ASTN2: variants seen among roughly 807,000 people sequenced by gnomAD.
ASTN2 encodes the protein astrotactin-2.
Under a neutral mutation model 139.8 loss-of-function variants are expected in ASTN2, and 54 were observed. The observed-to-expected ratio is 0.39, with a 90% confidence interval of 0.31 to 0.48. The LOEUF is 0.48. Ranked by LOEUF, ASTN2 falls within the 20% of genes least tolerant of loss-of-function variation. The pLI, the probability that ASTN2 is intolerant of heterozygous loss-of-function variation, is 0.95. For synonymous variants in ASTN2, 756 were observed against 719.5 expected, an observed-to-expected ratio of 1.05 and a Z score of -0.81; for missense variants, 1,565 against 1,725.1, an observed-to-expected ratio of 0.91 and a Z score of 1.64.
intron 5 of ASTN2, among the ~76,000 whole-genome samples, chr9:117,075,404 T>C (rs1309810216): frequency 6.7e-6 from 1 of 149,368 alleles, no homozygotes; most frequent in Non-Finnish European, 1.5e-5. Flanking sequence ...CCCTCTCAGA[T>C]GGAAAGAAAG....
At chr9:116,968,814 G>A (rs1223684308) in intron 10 of ASTN2, among the ~76,000 whole-genome samples, 7 of 151,234 alleles carry the variant, frequency 4.6e-5, no homozygotes, top group Admixed American at 1.3e-4. Flanking sequence ...CAGGAGAATA[G>A]CTCGAGCTTG....
At chr9:116,483,872 G>T (rs975808718) in intron 20 of ASTN2, among the ~76,000 whole-genome samples, 4 of 152,306 alleles carry the variant, frequency 2.6e-5, no homozygotes, top group African/African-American at 9.6e-5. Context: ...AGGTCCCAGA[G>T]GCAGAAGTAG....
At chr9:116,836,586 GT>G (rs1170702743) in intron 11 of ASTN2, among the ~76,000 whole-genome samples, 1 of 151,688 alleles carries the variant, frequency 6.6e-6, no homozygotes, top group Non-Finnish European at 1.5e-5. Flanking sequence ...GTTTTGTTTT[GT>G]TTTGTTTTGT....
At chr9:117,364,085 A>G (rs1829767247) in intron 1 of ASTN2, among the ~76,000 whole-genome samples, 1 of 152,100 alleles carries the variant, frequency 6.6e-6, no homozygotes, top group South Asian at 2.1e-4. Context: ...ATCCCCCTCT[A>G]CTAGCCTTTA....
intron 18 of ASTN2, among the ~76,000 whole-genome samples, chr9:116,618,911 G>A (rs1445212173): frequency 6.6e-6 from 1 of 151,878 alleles, no homozygotes; most frequent in Non-Finnish European, 1.5e-5. Context: ...ACTATTGGAA[G>A]GAGCAAAAAT....
chr9:117,172,763 A>G (rs1280809940), intron 3 of ASTN2, among the ~76,000 whole-genome samples: 1 of 152,176 alleles, frequency 6.6e-6, no homozygotes. Context: ...CAATTCATTC[A>G]TCAAGGGCAT....
At chr9:116,504,172 T>C (rs529487520) in intron 19 of ASTN2, 1 of 152,338 alleles carries the variant, frequency 6.6e-6, no homozygotes, top group South Asian at 2.1e-4. Context: ...CTTAAGATAC[T>C]TCCCTCCCTT....
chr9:116,772,269 G>A (rs1829971773), intron 13 of ASTN2, among the ~76,000 whole-genome samples: 1 of 152,150 alleles, frequency 6.6e-6, no homozygotes, highest in Non-Finnish European at 1.5e-5. Context: ...AATTATGGGG[G>A]TGGGTGTTTC....
chr9:116,760,555 C>T (rs989635106), intron 13 of ASTN2, among the ~76,000 whole-genome samples: 7 of 152,160 alleles, frequency 4.6e-5, no homozygotes, highest in African/African-American at 1.4e-4. Context: ...GGGAGGATTC[C>T]GAGCGAGGAA....
At chr9:116,598,372 A>G (rs1854695514) in intron 19 of ASTN2, among the ~76,000 whole-genome samples, 3 of 152,228 alleles carry the variant, frequency 2.0e-5, no homozygotes, top group African/African-American at 7.2e-5. Flanking sequence ...ATAACTTGCC[A>G]GGAGACTCAG....
chr9:117,182,760 A>T (rs1439655780), intron 3 of ASTN2, among the ~76,000 whole-genome samples: 1 of 151,840 alleles, frequency 6.6e-6, no homozygotes, highest in Non-Finnish European at 1.5e-5. Flanking sequence ...AAGCCACTTC[A>T]GCTTGCAGTG....
intron 1 of ASTN2, among the ~76,000 whole-genome samples, chr9:117,334,317 G>A (rs1441530789): frequency 2.0e-5 from 3 of 152,058 alleles, no homozygotes; most frequent in South Asian, 2.1e-4. Context: ...TGGTAGTGCC[G>A]GGTGGTGGAA....
chr9:116,952,792 T>A (rs1224992378), intron 10 of ASTN2, among the ~76,000 whole-genome samples: 1 of 152,140 alleles, frequency 6.6e-6, no homozygotes, highest in African/African-American at 2.4e-5. Flanking sequence ...TGGAGCTGCC[T>A]CCAAGCTCAA....
rs1306397698 is a variant in ASTN2 at position 117,120,018 on chromosome 9, G to GTGTATATATATATATA, written c.1168+21307_1168+21308insTATATATATATATACA. Reference sequence around the variant, plus strand: ...TGTGTGTGTGTGTGTGTGTGTGTGTGTATATATATATATATATATATATAT... The same window carrying GTGTATATATATATATA: ...TGTGTGTGTGTGTGTGTGTGTGTGTGTGTATATATATATATATATATATATATATATATATATATAT... On this transcript the variant is annotated intron_variant, in intron 4 of 22. Coordinates refer to ENST00000313400, the MANE Select transcript of ASTN2 (RefSeq NM_001365068.1). Among the ~76,000 whole-genome samples the GTGTATATATATATATA allele has an allele frequency of 2.4e-3, 112 of 45,970 alleles. 2 individuals are homozygous for GTGTATATATATATATA. Among genetic ancestry groups the GTGTATATATATATATA allele is most frequent in the Middle Eastern group, 0.02 (1 of 50 alleles). 30.2% of individuals were successfully genotyped at this position (45,970 alleles called of 152,430 possible).
chr9:116,434,513 A>G (rs1847589870), intron 22 of ASTN2, among the ~76,000 whole-genome samples: 1 of 152,216 alleles, frequency 6.6e-6, no homozygotes, highest in African/African-American at 2.4e-5. Flanking sequence ...TCTGCGATCT[A>G]TTCGTAATGT....
chr9:116,661,929 G>A (rs982362242), intron 16 of ASTN2, among the ~76,000 whole-genome samples: 36 of 151,572 alleles, frequency 2.4e-4, no homozygotes, highest in African/African-American at 8.5e-4. Flanking sequence ...GAGTTAATGG[G>A]TGCAGCACAC....
chr9:117,206,331 A>G (rs1831921813), intron 3 of ASTN2, among the ~76,000 whole-genome samples: 1 of 152,146 alleles, frequency 6.6e-6, no homozygotes, highest in Non-Finnish European at 1.5e-5. Flanking sequence ...GAAGATCTCT[A>G]TCCGACCCCA....
intron 13 of ASTN2, among the ~76,000 whole-genome samples, chr9:116,781,117 T>A (rs950917169): frequency 6.6e-6 from 1 of 152,148 alleles, no homozygotes; most frequent in Non-Finnish European, 1.5e-5. Context: ...TGGGATTACA[T>A]GAGCCACCCT....
chr9:117,010,331 C>T lies in ASTN2; in HGVS notation c.1424-2072G>A, dbSNP rs182890461. Reference sequence around the variant, plus strand: ...AGGCACAGAACATCAGTACCAACTACAGATTTTTCTTTAAAAAAGCACAGT... The same window carrying T: ...AGGCACAGAACATCAGTACCAACTATAGATTTTTCTTTAAAAAAGCACAGT... On this transcript the variant is annotated intron_variant, in intron 6 of 22. Transcript: ENST00000313400. Among the ~76,000 whole-genome samples, 57 of 152,244 alleles carry T rather than the reference C, an allele frequency of 3.7e-4. 1 individual carries two copies. In the East Asian group the frequency reaches 8.1e-3, roughly 22 times the overall value.
Sources: gnomAD v4.1 joint callset for allele counts (sites outside exome capture counted in the v4.1 genomes callset) on GRCh38, gnomAD v4.1.1 for gene constraint, MANE v1.5 for transcripts, NCBI Gene and HGNC (gene_info 2026-07-23, HGNC 2026-07-21) for gene names.